ZDHHC18: variants seen among roughly 807,000 people sequenced by gnomAD.
ZDHHC18 encodes zDHHC palmitoyltransferase 18.
Under a neutral mutation model 37.5 loss-of-function variants are expected in ZDHHC18, and 23 were observed. That is an observed-to-expected ratio of 0.61 (90% CI 0.44 to 0.87). The LOEUF is 0.87. Among genes scored for constraint, ZDHHC18 ranks in the 40% least tolerant of loss-of-function variants. The probability of loss-of-function intolerance (pLI) is 0.00; values close to 1 mark genes in which losing one functional copy is unlikely to be tolerated. For missense variants in ZDHHC18, 406 were observed against 525.6 expected, an observed-to-expected ratio of 0.77 and a Z score of 2.22; for synonymous variants, 185 against 218.7, an observed-to-expected ratio of 0.85 and a Z score of 1.36.
At chr1:26,838,520 A>G (rs2081623828) in intron 2 of ZDHHC18, among the ~76,000 whole-genome samples, 1 of 152,154 alleles carries the variant, frequency 6.6e-6, no homozygotes, top group African/African-American at 2.4e-5. Context: ...GAGTATAGGC[A>G]CCAGTAATGT....
chr1:26,835,395 CTAAT>C (rs572624688), intron 2 of ZDHHC18, among the ~76,000 whole-genome samples: 25 of 152,286 alleles, frequency 1.6e-4, no homozygotes, highest in African/African-American at 6.0e-4. Context: ...AGACTTCTAA[CTAAT>C]TAAAGTAAAA....
At chr1:26,834,036 T>G (rs2081600004) in intron 2 of ZDHHC18, among the ~76,000 whole-genome samples, 2 of 152,166 alleles carry the variant, frequency 1.3e-5, no homozygotes, top group Non-Finnish European at 2.9e-5. Context: ...TCTGGGTCCC[T>G]GGCCACTCCT....
intron 6 of ZDHHC18, 35 bp from the exon 7 acceptor site, chr1:26,852,718 G>C: frequency 6.3e-7 from 1 of 1,590,094 alleles, no homozygotes; most frequent in Non-Finnish European, 8.6e-7. Flanking sequence ...GAAGCAAAAG[G>C]AGGTACTTGA....
At chr1:26,832,854 C>G (rs1454112059) in intron 2 of ZDHHC18, among the ~76,000 whole-genome samples, 7 of 152,230 alleles carry the variant, frequency 4.6e-5, no homozygotes, top group Non-Finnish European at 8.8e-5. Context: ...TGAGTAGTTC[C>G]TGGGGGCTAG....
At chr1:26,828,033 T>C (rs575176610) in intron 1 of ZDHHC18, among the ~76,000 whole-genome samples, 1 of 152,326 alleles carries the variant, frequency 6.6e-6, no homozygotes, top group Admixed American at 6.5e-5. Context: ...TGACAGGTCA[T>C]ATTTGCCCCC....
Position 26,852,808 on chromosome 1 carries a change from G to C in ZDHHC18, c.992G>C (p.Ser331Thr). ...RGGEASVNPY[S>T]HKSIITNCCA... ...GGTGAGGCCTCTGTCAACCCCTACA[G>C]CCATAAAAGTATTATCACCAACTGC... The change falls in exon 7 of 8, where the codon AGC becomes ACC. Residue 331 changes from serine to threonine, a missense_variant. Ser to Thr is a moderately conservative substitution (Grantham distance 58, BLOSUM62 1). Transcript: ENST00000374142. 6.2e-7 allele frequency: 1 copy of C among 1,614,116 alleles called. No individual in the cohort carries two copies. The highest frequency in any genetic ancestry group is 8.5e-7 in the Non-Finnish European group (1 of 1,179,996).
In ZDHHC18 at chr1:26,850,494, G is replaced by T; in HGVS notation, c.784+56G>T. ...GAAGGGGTCAGCCAGCAAGCTCAAG[G>T]GTCAGCAAGCTTCAGCAGTCACTGT... On this transcript the variant is annotated intron_variant, in intron 4 of 7. Coordinates refer to ENST00000374142, the MANE Select transcript of ZDHHC18 (RefSeq NM_032283.3). The surrounding 1 kb of genome is among the most constrained non-coding windows in gnomAD (Gnocchi z 6.1). 6.2e-7 allele frequency: 1 copy of T among 1,614,220 alleles called. No homozygotes were observed. Among genetic ancestry groups the T allele is most frequent in the Non-Finnish European group, 8.5e-7 (1 of 1,180,034 alleles).
chr1:26,856,042 T>A lies in ZDHHC18; in HGVS notation c.*2199T>A. On this transcript the variant is annotated 3_prime_UTR_variant, in exon 8 of 8. Transcript: ENST00000374142. This position sits in a 1 kb window ranked among gnomAD's most constrained non-coding sequence, Gnocchi z 5.2. Reference sequence around the variant, plus strand: ...ACTGCCTTTCCACTCCGATCCCCAATGAGTGCCCAGCTAAGAAAATGTTTG... The same window carrying A: ...ACTGCCTTTCCACTCCGATCCCCAAAGAGTGCCCAGCTAAGAAAATGTTTG... 5.7e-6 allele frequency: 2 copies of A among 351,934 alleles called. No homozygotes were observed. The highest frequency in any genetic ancestry group is 4.0e-5 in the South Asian group (2 of 50,178). 21.8% of individuals were successfully genotyped at this position (351,934 alleles called of 1,614,324 possible). A position where few individuals can be genotyped will look rare whatever the true frequency, so the allele number is the denominator to read the frequency against.
At chr1:26,841,344 G>A (rs1180626811) in intron 2 of ZDHHC18, among the ~76,000 whole-genome samples, 1 of 152,056 alleles carries the variant, frequency 6.6e-6, no homozygotes, top group East Asian at 1.9e-4. Flanking sequence ...ATGTTACCCA[G>A]GCTGATCTCA....
intron 2 of ZDHHC18, among the ~76,000 whole-genome samples, chr1:26,836,952 A>G (rs902482455): frequency 3.4e-5 from 5 of 147,078 alleles, no homozygotes; most frequent in African/African-American, 5.0e-5. Flanking sequence ...TATACATTAA[A>G]TATATATTAA....
Position 26,854,158 on chromosome 1 carries a change from G to T in ZDHHC18, c.*315G>T. On this transcript the variant is annotated 3_prime_UTR_variant, in exon 8 of 8. Transcript: ENST00000374142. The surrounding 1 kb of genome is among the most constrained non-coding windows in gnomAD (Gnocchi z 4.6). ...GGGCGAGCCCTGTGTGAGTGAGGCT[G>T]TGAACTGAGCGTGAGGCCTCCCAGG... 1 of 303,508 alleles carries T rather than the reference G, an allele frequency of 3.3e-6. No individual in the cohort carries two copies. Among genetic ancestry groups the T allele is most frequent in the Non-Finnish European group, 6.3e-6 (1 of 158,714 alleles). The allele number at this position is 303,508 out of a possible 1,614,324, so 18.8% of individuals were successfully genotyped here.
chr1:26,834,889 A>T (rs754415971), intron 2 of ZDHHC18, among the ~76,000 whole-genome samples: 1 of 152,224 alleles, frequency 6.6e-6, no homozygotes, highest in African/African-American at 2.4e-5. Flanking sequence ...TGAATCTGAT[A>T]GGAGCTTACT....
chr1:26,835,298 G>A (rs894405196), intron 2 of ZDHHC18, among the ~76,000 whole-genome samples: 6 of 152,244 alleles, frequency 3.9e-5, no homozygotes, highest in South Asian at 2.1e-4. Flanking sequence ...TTTTCTTGGC[G>A]AACAGGTGCA....
chr1:26,839,443 C>T (rs2081627782), intron 2 of ZDHHC18, among the ~76,000 whole-genome samples: 1 of 152,336 alleles, frequency 6.6e-6, no homozygotes, highest in Middle Eastern at 3.4e-3. Context: ...ATCTTTGACT[C>T]ATTTCTATGA....
intron 2 of ZDHHC18, among the ~76,000 whole-genome samples, chr1:26,835,755 A>T (rs1166408889): frequency 1.3e-5 from 2 of 152,218 alleles, no homozygotes; most frequent in Non-Finnish European, 1.5e-5. Context: ...GACTAAGATC[A>T]CTGAACCTTT....
chr1:26,838,694 C>T (rs984971868), intron 2 of ZDHHC18, among the ~76,000 whole-genome samples: 1 of 152,222 alleles, frequency 6.6e-6, no homozygotes, highest in Admixed American at 6.5e-5. Flanking sequence ...ATTGGCCATG[C>T]CAGGGTTCAA....
chr1:26,851,257 A>T, intron 6 of ZDHHC18, 26 bp downstream of exon 6: 1 of 1,607,130 alleles, frequency 6.2e-7, no homozygotes, highest in Non-Finnish European at 8.5e-7. Flanking sequence ...GCCACCCCTC[A>T]TTCTAGGGCA....
At chr1:26,837,425 T>C (rs1018626772) in intron 2 of ZDHHC18, among the ~76,000 whole-genome samples, 16 of 147,966 alleles carry the variant, frequency 1.1e-4, no homozygotes, top group Non-Finnish European at 2.4e-4. Flanking sequence ...ATTTAATATG[T>C]ATAATATATT....
At chr1:26,841,843 G>A (rs147996003) in intron 2 of ZDHHC18, among the ~76,000 whole-genome samples, 26 of 152,108 alleles carry the variant, frequency 1.7e-4, no homozygotes, top group African/African-American at 6.3e-4. Context: ...TACAGATAAA[G>A]AAACTGAGGT....
Sources: gnomAD v4.1 joint callset for allele counts (sites outside exome capture counted in the v4.1 genomes callset) on GRCh38, gnomAD v4.1.1 for gene constraint, Gnocchi (gnomAD v3.1) non-coding constraint, MANE v1.5 for transcripts, NCBI Gene and HGNC (gene_info 2026-07-23, HGNC 2026-07-21) for gene names.